CMTM2: variants seen among roughly 807,000 people sequenced by gnomAD.
The protein encoded by CMTM2 is CKLF-like MARVEL transmembrane domain-containing protein 2.
Under a neutral mutation model 16.8 loss-of-function variants are expected in CMTM2, and 15 were observed. The observed-to-expected ratio is 0.89, with a 90% CI of 0.60 to 1.37. The LOEUF (loss-of-function observed/expected upper bound fraction) is 1.37, where lower values mean the gene tolerates loss of function less well. Among genes scored for constraint, CMTM2 ranks in the 40% most tolerant of loss-of-function variants. The pLI, the probability that CMTM2 is intolerant of heterozygous loss-of-function variation, is 0.00. For missense variants in CMTM2, 282 were observed against 318.0 expected (o/e 0.89, Z 0.86); for synonymous variants, 117 against 118.7 (o/e 0.99, Z 0.09).
chr16:66,586,230 A>T (rs1179414436), intron 2 of CMTM2, among the ~76,000 whole-genome samples: 1 of 152,214 alleles, frequency 6.6e-6, no homozygotes, highest in East Asian at 1.9e-4. Flanking sequence ...AGAGTCCATC[A>T]GAGCCAGTGC....
In CMTM2 at chr16:66,580,168, T is replaced by C. The variant is rs753650515; in HGVS notation, c.428T>C (p.Ile143Thr). ...SFAIHRYIPFILWPISDLFND... is the reference protein window; with the variant it reads ...SFAIHRYIPFTLWPISDLFND... Reference sequence around the variant, plus strand: ...GCCATTCATAGATACATACCCTTCATCCTGTGGCCCATTTCTGTAAGTAAG... The same window carrying C: ...GCCATTCATAGATACATACCCTTCACCCTGTGGCCCATTTCTGTAAGTAAG... The change falls in exon 2 of 4, where the codon ATC becomes ACC. Residue 143 changes from isoleucine to threonine, a missense_variant. By Grantham distance (89) the Ile-to-Thr change is moderately conservative. Transcript: ENST00000268595. 1.9e-6 allele frequency: 3 copies of C among 1,614,152 alleles called. No homozygotes were observed. Among genetic ancestry groups the C allele is most frequent in the Non-Finnish European group, 2.5e-6 (3 of 1,180,018 alleles).
chr16:66,582,467 G>A (rs751941423), intron 2 of CMTM2, among the ~76,000 whole-genome samples: 34 of 152,342 alleles, frequency 2.2e-4, no homozygotes, highest in Non-Finnish European at 4.3e-4. Context: ...TTGGGAGGCT[G>A]AGGTGGATGG....
At chr16:66,581,723 T>C (rs2014737921) in intron 2 of CMTM2, among the ~76,000 whole-genome samples, 1 of 152,214 alleles carries the variant, frequency 6.6e-6, no homozygotes, top group African/African-American at 2.4e-5. Flanking sequence ...AACATGTTCA[T>C]CTCTGCCTGA....
intron 2 of CMTM2, among the ~76,000 whole-genome samples, chr16:66,586,327 A>G (rs1241843045): frequency 6.6e-6 from 1 of 152,150 alleles, no homozygotes; most frequent in Non-Finnish European, 1.5e-5. Flanking sequence ...ATGACGTTTT[A>G]TAGTTGTGTA....
In CMTM2 at chr16:66,587,047, C is replaced by G; in HGVS notation, c.495C>G (p.Val165=). 6.2e-7 allele frequency: 1 copy of G among 1,614,128 alleles called. No homozygotes were observed. Among genetic ancestry groups the G allele is most frequent in the Non-Finnish European group, 8.5e-7 (1 of 1,180,030 alleles). The change falls in exon 3 of 4, where the codon GTC becomes GTG. Residue 165 remains valine, a synonymous_variant. Coordinates refer to ENST00000268595, the MANE Select transcript of CMTM2 (RefSeq NM_144673.3). ...IACAFLVGAV[V]FAVRSRRSMN... is the part of the protein sequence containing the mutation. ...GTGCGTTCCTTGTGGGAGCCGTGGT[C>G]TTTGCTGTGAGAAGTCGGCGATCCA... is the stretch of plus-strand genomic sequence containing the variant.
intron 2 of CMTM2, among the ~76,000 whole-genome samples, chr16:66,582,510 G>A (rs941563193): frequency 1.3e-5 from 2 of 152,152 alleles, no homozygotes; most frequent in African/African-American, 2.4e-5. Flanking sequence ...AGACCAGACT[G>A]GACAACATAG....
intron 2 of CMTM2, among the ~76,000 whole-genome samples, chr16:66,582,818 G>A (rs1338595246): frequency 2.0e-5 from 3 of 152,202 alleles, no homozygotes; most frequent in African/African-American, 7.2e-5. Context: ...AGCTTGCAGT[G>A]AGCCGAGATC....
At chr16:66,586,171 C>T (rs1023377089) in intron 2 of CMTM2, among the ~76,000 whole-genome samples, 2 of 151,924 alleles carry the variant, frequency 1.3e-5, no homozygotes, top group Admixed American at 6.6e-5. Context: ...GAAGTCAGGC[C>T]GAGGGCAGGG....
intron 2 of CMTM2, among the ~76,000 whole-genome samples, chr16:66,581,990 G>A (rs1177685305): frequency 6.6e-6 from 1 of 151,656 alleles, no homozygotes; most frequent in Admixed American, 6.6e-5. Context: ...GGGGTGGGGG[G>A]AAAACCTTGT....
In CMTM2 at chr16:66,579,991, T is replaced by C. The variant is rs1239164065; in HGVS notation, c.286-35T>C. On this transcript the variant is annotated intron_variant, in intron 1 of 3. Coordinates refer to ENST00000268595, the MANE Select transcript of CMTM2 (RefSeq NM_144673.3). This position sits in a 1 kb window ranked among gnomAD's most constrained non-coding sequence, Gnocchi z 6.5. ...TCCTCAGAGAGATGGTGAAAGGCCC[T>C]TGCTGCTGGCTCAGGTGTCTATGTC... 1 of 1,613,818 alleles carries C rather than the reference T, an allele frequency of 6.2e-7. No homozygotes were observed. The highest frequency in any genetic ancestry group is 8.5e-7 in the Non-Finnish European group (1 of 1,179,808).
chr16:66,587,219 C>A (rs1288179161), intron 3 of CMTM2, 121 bp downstream of exon 3: 12 of 855,246 alleles, frequency 1.4e-5, no homozygotes, highest in Admixed American at 4.4e-5. Context: ...GGGATCAAAG[C>A]AAAGTTTAAA....
At chr16:66,580,354 G>T in intron 2 of CMTM2, 170 bp downstream of exon 2, 1 of 666,794 alleles carries the variant, frequency 1.5e-6, no homozygotes, top group Non-Finnish European at 2.6e-6. Flanking sequence ...GTGCAAGAGG[G>T]GTAGCTAGGC....
chr16:66,579,621 C>T lies in CMTM2; in HGVS notation c.14C>T (p.Ala5Val), dbSNP rs1319932513. ...ACCGAGTCAGTCATGGCACCTAAGG[C>T]GGCAAAGGGGGCCAAGCCAGAGCCA... Reference protein sequence around the residue: MAPKAAKGAKPEPAP... With the variant: MAPKVAKGAKPEPAP... The change falls in exon 1 of 4, where the codon GCG becomes GTG. Residue 5 changes from alanine (A) to valine (V), a missense_variant. Ala to Val is a moderately conservative substitution (Grantham distance 64). Coordinates refer to ENST00000268595, the MANE Select transcript of CMTM2 (RefSeq NM_144673.3). This position sits in a 1 kb window ranked among gnomAD's most constrained non-coding sequence, Gnocchi z 6.5. 1.2e-6 allele frequency: 2 copies of T among 1,613,954 alleles called. No homozygotes were observed. The highest frequency in any genetic ancestry group is 1.7e-6 in the Non-Finnish European group (2 of 1,180,004).
At chr16:66,582,772 G>A (rs2014750278) in intron 2 of CMTM2, among the ~76,000 whole-genome samples, 1 of 152,154 alleles carries the variant, frequency 6.6e-6, no homozygotes, top group East Asian at 1.9e-4. Flanking sequence ...TTCTCAGGAG[G>A]CTGAGGCAGG....
intron 2 of CMTM2, among the ~76,000 whole-genome samples, chr16:66,586,093 A>G (rs1467133708): frequency 6.6e-6 from 1 of 152,144 alleles, no homozygotes; most frequent in East Asian, 1.9e-4. Context: ...CTGAAGTCAC[A>G]GGGGATGGGC....
chr16:66,580,224 C>T (rs2014706228), intron 2 of CMTM2, 40 bp downstream of exon 2: 10 of 1,608,126 alleles, frequency 6.2e-6, no homozygotes, highest in Middle Eastern at 3.3e-4. Context: ...ATCCAGAATG[C>T]TGATCAGGTG....
chr16:66,583,187 A>G (rs776380201), intron 2 of CMTM2, among the ~76,000 whole-genome samples: 2 of 152,118 alleles, frequency 1.3e-5, no homozygotes, highest in African/African-American at 2.4e-5. Flanking sequence ...AACAATGAAC[A>G]ATGAGAAACA....
intron 3 of CMTM2, 29 bp downstream of exon 3, chr16:66,587,127 T>G: frequency 6.6e-7 from 1 of 1,524,106 alleles, no homozygotes; most frequent in Non-Finnish European, 9.1e-7. Flanking sequence ...GGCCTTGCAT[T>G]TGCTCTGAAT....
intron 2 of CMTM2, among the ~76,000 whole-genome samples, chr16:66,586,076 G>C (rs1313918374): frequency 1.3e-5 from 2 of 152,194 alleles, no homozygotes; most frequent in African/African-American, 4.8e-5. Flanking sequence ...GTATGGGGAG[G>C]GCGAGACTGA....
Sources: allele counts gnomAD v4.1 joint callset (sites outside exome capture counted in the v4.1 genomes callset), GRCh38; gene constraint gnomAD v4.1.1; non-coding constraint Gnocchi (gnomAD v3.1); transcripts MANE v1.5; gene names NCBI Gene and HGNC (gene_info 2026-07-23, HGNC 2026-07-21).